Variants in NPHP1 observed in about 807,000 individuals in gnomAD.
NPHP1 encodes nephrocystin-1.
A neutral mutation model predicts 90.4 loss-of-function variants in NPHP1; 70 were observed. The observed-to-expected ratio is 0.77, with a 90% confidence interval of 0.64 to 0.95. NPHP1 has a LOEUF of 0.95. Among genes scored for constraint, NPHP1 ranks in the 40% least tolerant of loss-of-function variants. NPHP1 has a pLI of 0.00. For synonymous variants in NPHP1, 256 were observed against 271.7 expected, an observed-to-expected ratio of 0.94 and a Z score of 0.57; for missense variants, 764 against 795.9, an observed-to-expected ratio of 0.96 and a Z score of 0.48.
In NPHP1 at chr2:110,160,201, T is replaced by G. The variant is rs780706360; in HGVS notation, c.1009A>C (p.Met337Leu). 63 of 1,610,468 alleles carry G rather than the reference T, an allele frequency of 3.9e-5. No homozygotes were observed. The highest frequency in any genetic ancestry group is 5.4e-5 in the Non-Finnish European group (63 of 1,176,726). Residue 337 changes from methionine to leucine, a missense_variant, in exon 11 of 20, where the codon ATG becomes CTG. Transcript: ENST00000445609. ...ATGCTCATTCCTGGAAGAGGAATCA[T>G]TTTACAGCTCCATAATGTCAGAATC... The part of the protein sequence containing the change: ...SLILTLWSCK[M>L]IPLPGMSIQV...
chr2:110,143,177 C>T (rs1680775583), intron 16 of NPHP1, among the ~76,000 whole-genome samples: 1 of 152,102 alleles, frequency 6.6e-6, no homozygotes, highest in Non-Finnish European at 1.5e-5. Context: ...TTTGTCAAAA[C>T]ACAAAGAATT....
chr2:110,138,459 CTG>C (rs1680376819), intron 16 of NPHP1, among the ~76,000 whole-genome samples: 1 of 152,058 alleles, frequency 6.6e-6, no homozygotes, highest in South Asian at 2.1e-4. Flanking sequence ...AGGTCAGAAA[CTG>C]TCTTTTTTAA....
At chr2:110,134,582 C>T (rs1271658159) in intron 16 of NPHP1, among the ~76,000 whole-genome samples, 1 of 150,402 alleles carries the variant, frequency 6.6e-6, no homozygotes, top group African/African-American at 2.4e-5. Flanking sequence ...ATGCAAAATC[C>T]TCAACAAAAT....
chr2:110,163,124 A>T lies in NPHP1; in HGVS notation c.783T>A (p.Thr261=). ...VQKAISEQIN[T]VDVLTTMGAI... ...CTCCCATCGTAGTTAACACATCAACAGTGTTTATCTGCTGAAGACAGTAAC... is the reference window on the plus strand; with the variant it reads ...CTCCCATCGTAGTTAACACATCAACTGTGTTTATCTGCTGAAGACAGTAAC... The change falls in exon 9 of 20, where the codon ACT becomes ACA. Residue 261 remains threonine, a synonymous_variant. Transcript: ENST00000445609. 1 of 1,610,304 alleles carries T rather than the reference A, an allele frequency of 6.2e-7. No individual in the cohort carries two copies. The highest frequency in any genetic ancestry group is 8.5e-7 in the Non-Finnish European group (1 of 1,176,520).
In NPHP1 at chr2:110,160,260, A is replaced by G; in HGVS notation, c.955-5T>C. 2 of 1,602,326 alleles carry G rather than the reference A, an allele frequency of 1.2e-6. 1 individual carries two copies. Among genetic ancestry groups the G allele is most frequent in the Non-Finnish European group, 1.7e-6 (2 of 1,170,032 alleles). The stretch of plus-strand genomic sequence containing the variant: ...ACGACTTGGTCTCGACCTAATCTGA[A>G]AGAAAAATTAGTTATAAAAAAGTTT... On this transcript the variant is annotated splice_region_variant and splice_polypyrimidine_tract_variant and intron_variant, in intron 10 of 19. Coordinates refer to ENST00000445609, the MANE Select transcript of NPHP1 (RefSeq NM_001128178.3).
rs530751687 is a variant in NPHP1 at position 110,196,440 on chromosome 2, C to G, written c.143+4981G>C. 1.8e-4 allele frequency among the ~76,000 whole-genome samples: 27 copies of G among 152,232 alleles called. 1 individual carries two copies. In the East Asian group the frequency reaches 3.9e-3, roughly 22 times the overall value. ...CACTGGCCATCAGGGAAATGCAAAT[C>G]AAAACCACAATGAGATACCATCTCA... On this transcript the variant is annotated intron_variant, in intron 2 of 19. Transcript: ENST00000445609.
At chr2:110,168,364 T>C (rs937585958) in intron 6 of NPHP1, 88 bp downstream of exon 6, 11 of 846,442 alleles carry the variant, frequency 1.3e-5, no homozygotes, top group Admixed American at 3.9e-5. Flanking sequence ...CATTCACTAG[T>C]CAACTGACAA....
chr2:110,125,221 T>G, intron 19 of NPHP1: 1 of 1,535,246 alleles, frequency 6.5e-7, no homozygotes, highest in Non-Finnish European at 8.7e-7. Context: ...GTAATTACCA[T>G]GATTTTATAG....
intron 18 of NPHP1, chr2:110,125,964 A>G: frequency 2.1e-6 from 1 of 472,280 alleles, no homozygotes. Context: ...CATCCATGAA[A>G]ACTATACAAC....
Position 110,158,413 on chromosome 2 carries a change from T to C in NPHP1, c.1083+1714A>G, listed in dbSNP as rs568573101. 2.6e-5 allele frequency among the ~76,000 whole-genome samples: 4 copies of C among 152,216 alleles called. No homozygotes were observed. The South Asian group carries it at 8.3e-4, about 32-fold the overall frequency. ...GAAGTGTTAAACTCCCCAACTATAA[T>C]AGAGGCCCCAACTATAATTGTGACT... On this transcript the variant is annotated intron_variant, in intron 11 of 19. Transcript: ENST00000445609.
chr2:110,176,781 G>A (rs182913034), intron 4 of NPHP1, among the ~76,000 whole-genome samples: 5 of 152,202 alleles, frequency 3.3e-5, no homozygotes, highest in Non-Finnish European at 7.4e-5. Context: ...CATTTCCCAA[G>A]TCTCTTTACT....
chr2:110,168,021 T>G (rs1238705739), intron 6 of NPHP1, among the ~76,000 whole-genome samples: 1 of 152,184 alleles, frequency 6.6e-6, no homozygotes, highest in East Asian at 1.9e-4. Flanking sequence ...CAGAAATCTA[T>G]ATATCTTGGC....
intron 2 of NPHP1, among the ~76,000 whole-genome samples, chr2:110,185,496 G>A (rs761566772): frequency 2.0e-5 from 3 of 152,194 alleles, no homozygotes; most frequent in Middle Eastern, 3.4e-3. Flanking sequence ...TTACTACCAC[G>A]GGGAGACAGA....
At chr2:110,133,119 G>T (rs1280640734) in intron 16 of NPHP1, among the ~76,000 whole-genome samples, 2 of 152,072 alleles carry the variant, frequency 1.3e-5, no homozygotes, top group East Asian at 1.9e-4. Flanking sequence ...AGATTGGCAG[G>T]ATGCACTAAA....
intron 4 of NPHP1, among the ~76,000 whole-genome samples, chr2:110,176,621 T>C (rs752474583): frequency 7.9e-5 from 12 of 152,212 alleles, no homozygotes; most frequent in Admixed American, 3.3e-4. Context: ...AGTTAAATTA[T>C]CTTGTTCCTG....
intron 16 of NPHP1, among the ~76,000 whole-genome samples, chr2:110,137,947 T>G (rs1263085661): frequency 6.6e-6 from 1 of 151,042 alleles, no homozygotes; most frequent in Admixed American, 6.6e-5. Context: ...AATGATAGAC[T>G]GGATTAAGAA....
chr2:110,202,250 G>T (rs1414250566), intron 1 of NPHP1: 1 of 264,358 alleles, frequency 3.8e-6, no homozygotes, highest in African/African-American at 2.2e-5. Flanking sequence ...TACTTCTTTG[G>T]TCTGTTTTCT....
chr2:110,139,336 G>A (rs1052907099), intron 16 of NPHP1, among the ~76,000 whole-genome samples: 3 of 152,068 alleles, frequency 2.0e-5, no homozygotes, highest in African/African-American at 7.2e-5. Flanking sequence ...TTATACACAT[G>A]CTTTTGGTCA....
At chr2:110,161,843 C>T in intron 9 of NPHP1, 146 bp from the exon 10 acceptor site, 1 of 616,788 alleles carries the variant, frequency 1.6e-6, no homozygotes. Context: ...ATAGAAGCGC[C>T]AATATAGATT....
Sources: allele counts gnomAD v4.1 joint callset (sites outside exome capture counted in the v4.1 genomes callset), GRCh38; gene constraint gnomAD v4.1.1; transcripts MANE v1.5; gene names NCBI Gene and HGNC (gene_info 2026-07-23, HGNC 2026-07-21).